The following RTKN2 variants were observed in gnomAD, a reference collection of about 807,000 sequenced individuals.
The protein encoded by RTKN2 is rhotekin-2.
A neutral mutation model predicts 71.5 loss-of-function variants in RTKN2; 69 were observed. The ratio of observed to expected loss-of-function variants is 0.96; its 90% CI spans 0.79 to 1.18. The LOEUF is 1.18. Ranked by LOEUF, RTKN2 falls within the 50% of genes most tolerant of loss-of-function variation. The probability of loss-of-function intolerance (pLI) is 0.00; values close to 1 mark genes in which losing one functional copy is unlikely to be tolerated. For synonymous variants in RTKN2, 236 were observed against 236.5 expected (o/e 1.00, Z 0.02); for missense variants, 724 against 719.7 (o/e 1.01, Z -0.07).
At chr10:62,243,443 C>T (rs900684532) in intron 3 of RTKN2, among the ~76,000 whole-genome samples, 2 of 152,068 alleles carry the variant, frequency 1.3e-5, no homozygotes, top group Non-Finnish European at 2.9e-5. Flanking sequence ...TACTTATTCA[C>T]AGCTGTTCTT....
intron 6 of RTKN2, among the ~76,000 whole-genome samples, chr10:62,233,591 CA>C (rs1370126657): frequency 6.6e-6 from 1 of 151,634 alleles, no homozygotes; most frequent in East Asian, 1.9e-4. Context: ...AAACTGAAAG[CA>C]AAAGAATAAG....
chr10:62,252,635 T>C (rs1025079177), intron 2 of RTKN2, among the ~76,000 whole-genome samples: 5 of 150,290 alleles, frequency 3.3e-5, no homozygotes, highest in Non-Finnish European at 5.9e-5. Flanking sequence ...GTAGGGGAAA[T>C]ACAATAAGCT....
chr10:62,193,249 G>T lies in RTKN2; in HGVS notation c.*4659C>A. 1 of 947,010 alleles carries T rather than the reference G, an allele frequency of 1.1e-6. No homozygotes were observed. Among genetic ancestry groups the T allele is most frequent in the Non-Finnish European group, 1.3e-6 (1 of 795,050 alleles). The allele number at this position is 947,010 out of a possible 1,614,324, so 58.7% of individuals were successfully genotyped here. A position where few individuals can be genotyped will look rare whatever the true frequency, so the allele number is the denominator to read the frequency against. On this transcript the variant is annotated 3_prime_UTR_variant, in exon 12 of 12. Coordinates refer to ENST00000373789, the MANE Select transcript of RTKN2 (RefSeq NM_145307.4). ...ATCTTGAACCATCTGACATAATTATGTATATACAAGATCTTTTCAATCTAC... is the reference window on the plus strand; with the variant it reads ...ATCTTGAACCATCTGACATAATTATTTATATACAAGATCTTTTCAATCTAC...
chr10:62,223,170 G>C, intron 7 of RTKN2, 68 bp downstream of exon 7: 1 of 853,522 alleles, frequency 1.2e-6, no homozygotes, highest in Admixed American at 2.0e-5. Context: ...ATCCACTTGA[G>C]GGGAACATAC....
intron 2 of RTKN2, among the ~76,000 whole-genome samples, chr10:62,248,983 C>T (rs1399837292): frequency 6.6e-6 from 1 of 152,158 alleles, no homozygotes; most frequent in African/African-American, 2.4e-5. Flanking sequence ...AATTAAAACA[C>T]TCAAACGTTT....
At chr10:62,261,565 C>T (rs1842775134) in intron 2 of RTKN2, among the ~76,000 whole-genome samples, 3 of 152,070 alleles carry the variant, frequency 2.0e-5, no homozygotes, top group African/African-American at 7.2e-5. Flanking sequence ...GCAGGAGAAT[C>T]GCTTGAACCC....
intron 9 of RTKN2, among the ~76,000 whole-genome samples, chr10:62,212,205 C>G (rs140169610): frequency 2.0e-5 from 3 of 151,304 alleles, no homozygotes; most frequent in African/African-American, 7.3e-5. Context: ...CAGGGCACAG[C>G]GAAAACTTCA....
rs1036316437 is a variant in RTKN2 at position 62,197,479 on chromosome 10, T to C, written c.*429A>G. 9.1e-6 allele frequency: 9 copies of C among 986,412 alleles called. No individual in the cohort carries two copies. In the African/African-American group the frequency reaches 1.6e-4, roughly 17 times the overall value. 61.1% of individuals were successfully genotyped at this position (986,412 alleles called of 1,614,324 possible). ...TTTCTTGGGTGGATTCTATAATTTG[T>C]GGTTTGAATAAAACCTTTGAAACAT... On this transcript the variant is annotated 3_prime_UTR_variant, in exon 12 of 12. Coordinates refer to ENST00000373789, the MANE Select transcript of RTKN2 (RefSeq NM_145307.4).
At chr10:62,186,521 C>T (rs1241169572) in intron 8 of RTKN2, among the ~76,000 whole-genome samples, 1 of 115,564 alleles carries the variant, frequency 8.7e-6, no homozygotes, top group African/African-American at 3.4e-5. Context: ...TGACAGAAGA[C>T]GTGTGTCCTA....
intron 10 of RTKN2, among the ~76,000 whole-genome samples, chr10:62,201,978 C>T (rs1293639990): frequency 1.3e-5 from 2 of 152,136 alleles, no homozygotes; most frequent in Admixed American, 6.5e-5. Context: ...ATACCATTTA[C>T]TGTTATAGTG....
chr10:62,235,961 C>T, intron 6 of RTKN2, 105 bp downstream of exon 6: 1 of 829,464 alleles, frequency 1.2e-6, no homozygotes, highest in South Asian at 1.9e-5. Context: ...TTTTTGTTTC[C>T]TGATGTTTTT....
chr10:62,192,834 A>T (rs575288574), downstream of RTKN2, among the ~76,000 whole-genome samples: 8 of 152,326 alleles, frequency 5.3e-5, no homozygotes, highest in South Asian at 1.7e-3. Context: ...GTTTCTGTAA[A>T]CTATGGAAGG....
intron 8 of RTKN2, among the ~76,000 whole-genome samples, chr10:62,217,818 A>G (rs1453411135): frequency 6.6e-6 from 1 of 152,146 alleles, no homozygotes; most frequent in Non-Finnish European, 1.5e-5. Flanking sequence ...AGAGGCAGGC[A>G]GCTTTGGAAG....
chr10:62,252,339 A>G (rs1295712220), intron 2 of RTKN2, among the ~76,000 whole-genome samples: 1 of 152,168 alleles, frequency 6.6e-6, no homozygotes, highest in East Asian at 1.9e-4. Context: ...TAAGGAATTT[A>G]TAACTAGCAA....
chr10:62,246,894 G>A (rs778663138), intron 2 of RTKN2, among the ~76,000 whole-genome samples: 8 of 151,946 alleles, frequency 5.3e-5, no homozygotes, highest in Non-Finnish European at 1.2e-4. Flanking sequence ...TAAAAAGATA[G>A]AAACAATCCA....
intron 6 of RTKN2, among the ~76,000 whole-genome samples, chr10:62,234,408 T>C (rs1256571968): frequency 1.3e-5 from 2 of 150,822 alleles, no homozygotes; most frequent in Non-Finnish European, 3.0e-5. Flanking sequence ...CATGTGCCAG[T>C]AGTCCTAGCT....
chr10:62,204,384 T>G (rs1166170058), intron 10 of RTKN2, among the ~76,000 whole-genome samples: 14 of 152,190 alleles, frequency 9.2e-5, no homozygotes, highest in Admixed American at 9.2e-4. Context: ...CCTATGTGTG[T>G]GGTTTAAAAA....
At chr10:62,221,468 G>C (rs186304409) in intron 7 of RTKN2, among the ~76,000 whole-genome samples, 2 of 151,392 alleles carry the variant, frequency 1.3e-5, no homozygotes, top group Non-Finnish European at 3.0e-5. Flanking sequence ...TAAAAGCTTC[G>C]GTAAAAAAAA....
intron 7 of RTKN2, among the ~76,000 whole-genome samples, chr10:62,220,869 A>C (rs1841890153): frequency 6.6e-6 from 1 of 152,150 alleles, no homozygotes; most frequent in South Asian, 2.1e-4. Flanking sequence ...TAAAAGCCAA[A>C]AATGTTGGAA....
Sources: allele counts gnomAD v4.1 joint callset (sites outside exome capture counted in the v4.1 genomes callset), GRCh38; gene constraint gnomAD v4.1.1; transcripts MANE v1.5; gene names NCBI Gene and HGNC (gene_info 2026-07-23, HGNC 2026-07-21).